The following UNC13B variants were observed in gnomAD, a reference collection of about 807,000 sequenced individuals.
UNC13B encodes protein unc-13 homolog B.
Under a neutral mutation model 211.0 loss-of-function variants are expected in UNC13B, and 144 were observed. That is an observed-to-expected ratio of 0.68 (90% CI 0.60 to 0.78). UNC13B has a LOEUF of 0.78. Ranked by LOEUF, UNC13B falls within the 30% of genes least tolerant of loss-of-function variation. The pLI is 0.00. For missense variants in UNC13B, 1,777 were observed against 2,002.0 expected (o/e 0.89, Z 2.14); for synonymous variants, 709 against 725.8 (o/e 0.98, Z 0.37).
chr9:35,189,146 A>T (rs1305799555), intron 1 of UNC13B, among the ~76,000 whole-genome samples: 1 of 152,226 alleles, frequency 6.6e-6, no homozygotes, highest in Non-Finnish European at 1.5e-5. Context: ...TTACATTTCC[A>T]TGCATTCTTA....
At chr9:35,210,531 T>TA (rs1194212537) in intron 1 of UNC13B, among the ~76,000 whole-genome samples, 1 of 151,104 alleles carries the variant, frequency 6.6e-6, no homozygotes, top group Non-Finnish European at 1.5e-5. Flanking sequence ...ATAAACTTAT[T>TA]TTTTTTTTTT....
At chr9:35,222,059 C>A (rs1409546102) in intron 1 of UNC13B, among the ~76,000 whole-genome samples, 1 of 152,066 alleles carries the variant, frequency 6.6e-6, no homozygotes, top group Non-Finnish European at 1.5e-5. Context: ...ATTCCTGTAT[C>A]TTTATAATAT....
Position 35,403,499 on chromosome 9 carries a change from G to A in UNC13B, c.12637G>A (p.Val4213Met). 1 of 1,614,112 alleles carries A rather than the reference G, an allele frequency of 6.2e-7. No homozygotes were observed. The highest frequency in any genetic ancestry group is 8.5e-7 in the Non-Finnish European group (1 of 1,180,016). ...TAGMFRPFVE[V>M]TMVGPHQSDK... ...GGGTATGTTCCGGCCTTTCGTGGAG[G>A]TGACTATGGTTGGCCCACACCAAAG... Residue 4213 changes from valine (V) to methionine (M), a missense_variant, in exon 39 of 40, where the codon GTG (valine) becomes ATG (methionine). Coordinates refer to ENST00000635942, the MANE Select transcript of UNC13B (RefSeq NM_001371189.2).
rs1820812606 is a variant in UNC13B, at chr9:35,162,198, G to C, written c.-86G>C. On this transcript the variant is annotated 5_prime_UTR_variant, in exon 1 of 40. Coordinates refer to ENST00000635942, the MANE Select transcript of UNC13B (RefSeq NM_001371189.2). ...CTGCCAGACCCGTGGGGCCGGTAAC[G>C]AGAGCAGTCGCGGCACCTGCTGAGA... The C allele has an allele frequency of 2.6e-6, 4 of 1,531,998 alleles. No homozygotes were observed. The highest frequency in any genetic ancestry group is 2.6e-6 in the Non-Finnish European group (3 of 1,139,532). 94.9% of individuals were successfully genotyped at this position (1,531,998 alleles called of 1,614,324 possible).
At chr9:35,228,339 CAA>C (rs1216537958) in intron 2 of UNC13B, among the ~76,000 whole-genome samples, 1 of 151,622 alleles carries the variant, frequency 6.6e-6, no homozygotes, top group Admixed American at 6.6e-5. Context: ...TTAGTGGAAA[CAA>C]TTTTTTTTTT....
chr9:35,378,490 G>T, intron 17 of UNC13B, 54 bp downstream of exon 17: 1 of 1,606,648 alleles, frequency 6.2e-7, no homozygotes, highest in Non-Finnish European at 8.5e-7. Context: ...GGGGGAGCAG[G>T]ATCACATCCT....
chr9:35,228,122 C>A, intron 2 of UNC13B, 78 bp downstream of exon 2: 1 of 1,275,004 alleles, frequency 7.8e-7, no homozygotes, highest in East Asian at 2.5e-5. Flanking sequence ...ATTATTAATT[C>A]ATTGATCAAA....
At chr9:35,386,371 A>G in intron 24 of UNC13B, 78 bp downstream of exon 24, 2 of 1,585,338 alleles carry the variant, frequency 1.3e-6, no homozygotes, top group Non-Finnish European at 1.7e-6. Flanking sequence ...ATGGTGGTGG[A>G]AAAGCACTCA....
Position 35,307,366 on chromosome 9 carries a change from G to T in UNC13B, c.7962G>T (p.Gln2654His), listed in dbSNP as rs1169891263. ...LEAENFALPA[Q>H]LHPDPTCIAE... ...CAGAGAACTTTGCGCTGCCAGCACAGTTGCATCCAGATCCTACCTGCATTG... is the reference window on the plus strand; with the variant it reads ...CAGAGAACTTTGCGCTGCCAGCACATTTGCATCCAGATCCTACCTGCATTG... Residue 2654 changes from glutamine to histidine, a missense_variant, in exon 9 of 40, where the codon CAG (glutamine) becomes CAT (histidine). Physicochemically the swap from Gln to His is conservative, Grantham distance 24 (BLOSUM62 0). Transcript: ENST00000635942. 3 of 398,870 alleles carry T rather than the reference G, an allele frequency of 7.5e-6. No individual in the cohort carries two copies. Among genetic ancestry groups the T allele is most frequent in the African/African-American group, 4.1e-5 (2 of 48,608 alleles). The allele number at this position is 398,870 out of a possible 1,614,324, so 24.7% of individuals were successfully genotyped here.
At chr9:35,258,087 A>G (rs984211295) in intron 6 of UNC13B, among the ~76,000 whole-genome samples, 2 of 152,224 alleles carry the variant, frequency 1.3e-5, no homozygotes, top group Non-Finnish European at 2.9e-5. Flanking sequence ...TACTCAATCA[A>G]TATTTGTTGA....
At chr9:35,334,994 C>T (rs1013646631) in intron 11 of UNC13B, among the ~76,000 whole-genome samples, 5 of 152,130 alleles carry the variant, frequency 3.3e-5, no homozygotes, top group Admixed American at 1.3e-4. Context: ...GCCGAGATCG[C>T]GCCACTGCAT....
At chr9:35,252,265 A>G (rs1169671399) in intron 6 of UNC13B, among the ~76,000 whole-genome samples, 1 of 152,098 alleles carries the variant, frequency 6.6e-6, no homozygotes, top group African/African-American at 2.4e-5. Context: ...CCTTTCATCT[A>G]ATGGTTTTAG....
chr9:35,223,192 T>C (rs761225093), intron 1 of UNC13B, among the ~76,000 whole-genome samples: 8 of 152,238 alleles, frequency 5.3e-5, no homozygotes, highest in Non-Finnish European at 1.0e-4. Context: ...TGACATCCTT[T>C]CCTTTGGATA....
chr9:35,189,526 TAC>T (rs1822536522), intron 1 of UNC13B, among the ~76,000 whole-genome samples: 1 of 152,232 alleles, frequency 6.6e-6, no homozygotes, highest in African/African-American at 2.4e-5. Context: ...TCTTAAAGAT[TAC>T]AGTCATGTGA....
intron 6 of UNC13B, among the ~76,000 whole-genome samples, chr9:35,246,432 A>G (rs1330454682): frequency 6.6e-5 from 10 of 152,180 alleles, no homozygotes; most frequent in Admixed American, 6.5e-4. Context: ...GCCCATGCCT[A>G]TGTCCTGAAT....
At position 35,389,952 on chromosome 9, in the gene UNC13B, C is replaced by T. The variant is rs764817161; in HGVS notation, c.11201C>T (p.Ser3734Phe). Residue 3734 changes from serine (S) to phenylalanine (F), a missense_variant, in exon 25 of 40, where the codon TCC becomes TTC. By Grantham distance (155) the Ser-to-Phe change is radical. Transcript: ENST00000635942. ...IVSIIEEDKNSYTPVLNQFPQ... is the reference protein window; with the variant it reads ...IVSIIEEDKNFYTPVLNQFPQ... ...TCAATCATAGAGGAAGATAAGAATT[C>T]CTACACACCTGTTCTGAACCAGTGA... 8.1e-6 allele frequency: 13 copies of T among 1,613,956 alleles called. No individual in the cohort carries two copies. The highest frequency in any genetic ancestry group is 1.1e-5 in the Non-Finnish European group (13 of 1,179,992).
intron 1 of UNC13B, among the ~76,000 whole-genome samples, chr9:35,211,978 T>C (rs1823992551): frequency 6.6e-6 from 1 of 152,168 alleles, no homozygotes; most frequent in Non-Finnish European, 1.5e-5. Flanking sequence ...GTGTGGGGAT[T>C]ACAGGCATCA....
intron 3 of UNC13B, among the ~76,000 whole-genome samples, chr9:35,235,694 A>G (rs530802309): frequency 6.6e-6 from 1 of 152,274 alleles, no homozygotes; most frequent in African/African-American, 2.4e-5. Flanking sequence ...GCACCTCCCA[A>G]AGTGCTGGGA....
chr9:35,269,279 G>T (rs148059907), intron 7 of UNC13B, among the ~76,000 whole-genome samples: 1 of 152,154 alleles, frequency 6.6e-6, no homozygotes, highest in East Asian at 1.9e-4. Flanking sequence ...TGGTATTACC[G>T]ATTGATTAAA....
Sources: gnomAD v4.1 joint callset for allele counts (sites outside exome capture counted in the v4.1 genomes callset) on GRCh38, gnomAD v4.1.1 for gene constraint, MANE v1.5 for transcripts, NCBI Gene and HGNC (gene_info 2026-07-23, HGNC 2026-07-21) for gene names.